Variants in TIMM29 observed in about 807,000 individuals in gnomAD.
TIMM29 encodes translocase of inner mitochondrial membrane 29, also known as mitochondrial import inner membrane translocase subunit Tim29.
A neutral mutation model predicts 19.5 loss-of-function variants in TIMM29; 23 were observed. The ratio of observed to expected loss-of-function variants is 1.18; its 90% CI spans 0.85 to 1.67. The LOEUF is 1.67. Among genes scored for constraint, TIMM29 ranks in the 40% most tolerant of loss-of-function variants. The probability of loss-of-function intolerance (pLI) is 0.00; values close to 1 mark genes in which losing one functional copy is unlikely to be tolerated. For synonymous variants in TIMM29, 209 were observed against 185.0 expected (o/e 1.13, Z -1.05); for missense variants, 404 against 384.7 (o/e 1.05, Z -0.42).
At position 10,929,330 on chromosome 19, in the gene TIMM29, C is replaced by A; in HGVS notation, c.411C>A (p.Pro137=). Residue 137 remains proline (P), a synonymous_variant, in exon 2 of 2, where the codon CCC becomes CCA. Transcript: ENST00000270502. ...LGLCSLVYEA[P]FDAQASLYQA... The stretch of plus-strand genomic sequence containing the variant: ...TCTGCTCGCTGGTGTACGAGGCGCC[C>A]TTCGACGCCCAGGCCAGCCTCTACC... 6.4e-7 allele frequency: 1 copy of A among 1,563,528 alleles called. No individual in the cohort carries two copies. Among genetic ancestry groups the A allele is most frequent in the East Asian group, 2.4e-5 (1 of 42,106 alleles).
At position 10,929,450 on chromosome 19, in the gene TIMM29, C is replaced by G. The variant is rs779634694; in HGVS notation, c.531C>G (p.Ala177=). Residue 177 remains alanine, a synonymous_variant, in exon 2 of 2, where the codon GCC becomes GCG. Coordinates refer to ENST00000270502, the MANE Select transcript of TIMM29 (RefSeq NM_138358.4). The stretch of plus-strand genomic sequence containing the variant: ...TGGGTCGCTGGTGGGTGCTGGGGGC[C>G]TGGATGCGCGACTGCGACATCAACG... ...GFVGRWWVLG[A]WMRDCDINDD... is the part of the protein sequence containing the mutation. 8 of 1,612,658 alleles carry G rather than the reference C, an allele frequency of 5.0e-6. No individual in the cohort carries two copies. The South Asian group carries it at 7.7e-5, about 15-fold the overall frequency.
Position 10,929,169 on chromosome 19 carries a change from G to A in TIMM29, c.250G>A (p.Glu84Lys), listed in dbSNP as rs1157415127. The change falls in exon 2 of 2, where the codon GAG (glutamate) becomes AAG (lysine). Residue 84 changes from glutamate to lysine, a missense_variant. Transcript: ENST00000270502. ...FTLAPSEGAF[E>K]EALLEASGTL... is the part of the protein sequence containing the mutation. ...GCTGGCGCCCAGCGAGGGTGCCTTC[G>A]AGGAGGCGCTGCTGGAGGCGTCGGG... The A allele has an allele frequency of 6.9e-7, 1 of 1,455,660 alleles. No homozygotes were observed. Among genetic ancestry groups the A allele is most frequent in the South Asian group, 1.4e-5 (1 of 70,928 alleles). The allele number at this position is 1,455,660 out of a possible 1,614,324, so 90.2% of individuals were successfully genotyped here.
rs1227757319 is a variant in TIMM29, at chr19:10,929,390, C to A, written c.471C>A (p.Thr157=). Residue 157 remains threonine, a synonymous_variant, in exon 2 of 2, where the codon ACC becomes ACA. Transcript: ENST00000270502. ...GCCGCTACCTGCAGCCCCGCTGGAC[C>A]GACTTCCCCGGCCGGGTCCTGGACG... ...ARCRYLQPRW[T]DFPGRVLDVG... 1 of 1,606,502 alleles carries A rather than the reference C, an allele frequency of 6.2e-7. No individual in the cohort carries two copies. The highest frequency in any genetic ancestry group is 8.5e-7 in the Non-Finnish European group (1 of 1,178,040).
chr19:10,929,007 C>A lies in TIMM29; in HGVS notation c.95-7C>A. The A allele has an allele frequency of 6.9e-7, 1 of 1,457,688 alleles. No individual in the cohort carries two copies. The highest frequency in any genetic ancestry group is 8.9e-7 in the Non-Finnish European group (1 of 1,120,360). The allele number at this position is 1,457,688 out of a possible 1,614,324, so 90.3% of individuals were successfully genotyped here. The stretch of plus-strand genomic sequence containing the variant: ...GGATCACTCTTACCGCGCTCCTCTC[C>A]CCTCAGGGTCCTGGGCCCGCGCGCT... On this transcript the variant is annotated splice_region_variant and splice_polypyrimidine_tract_variant and intron_variant, in intron 1 of 1. Coordinates refer to ENST00000270502, the MANE Select transcript of TIMM29 (RefSeq NM_138358.4).
chr19:10,929,217 G>A lies in TIMM29; in HGVS notation c.298G>A (p.Ala100Thr). 2.0e-6 allele frequency: 3 copies of A among 1,484,764 alleles called. No individual in the cohort carries two copies. Among genetic ancestry groups the A allele is most frequent in the Non-Finnish European group, 1.8e-6 (2 of 1,123,004 alleles). The allele number at this position is 1,484,764 out of a possible 1,614,324, so 92.0% of individuals were successfully genotyped here. A position where few individuals can be genotyped will look rare whatever the true frequency, so the allele number is the denominator to read the frequency against. The change falls in exon 2 of 2, where the codon GCC (alanine) becomes ACC (threonine). Residue 100 changes from alanine (A) to threonine (T), a missense_variant. Ala to Thr is a moderately conservative substitution (Grantham distance 58, BLOSUM62 0). Coordinates refer to ENST00000270502, the MANE Select transcript of TIMM29 (RefSeq NM_138358.4). Reference sequence around the variant, plus strand: ...GGGGACCCTCCTGCTGCTGGCGCCGGCCACCCGCAACCGCGAGTCCGAAGC... The same window carrying A: ...GGGGACCCTCCTGCTGCTGGCGCCGACCACCCGCAACCGCGAGTCCGAAGC... ...ASGTLLLLAP[A>T]TRNRESEAFV...
At position 10,929,360 on chromosome 19, in the gene TIMM29, G is replaced by T; in HGVS notation, c.441G>T (p.Ala147=). 6.3e-7 allele frequency: 1 copy of T among 1,590,442 alleles called. No individual in the cohort carries two copies. Among genetic ancestry groups the T allele is most frequent in the Admixed American group, 1.8e-5 (1 of 56,976 alleles). The change falls in exon 2 of 2, where the codon GCG becomes GCT. Residue 147 remains alanine (A), a synonymous_variant. Coordinates refer to ENST00000270502, the MANE Select transcript of TIMM29 (RefSeq NM_138358.4). ...ACGCCCAGGCCAGCCTCTACCAGGC[G>T]CGTTGCCGCTACCTGCAGCCCCGCT... ...PFDAQASLYQ[A]RCRYLQPRWT...
At position 10,929,760 on chromosome 19, in the gene TIMM29, T is replaced by G. The variant is rs990538419; in HGVS notation, c.*58T>G. On this transcript the variant is annotated 3_prime_UTR_variant, in exon 2 of 2. Coordinates refer to ENST00000270502, the MANE Select transcript of TIMM29 (RefSeq NM_138358.4). ...TTGCCTGGGGTGGTGCAGTTCTGAG[T>G]GTGCCTCACCTGCAGAACAGCTGAG... 2 of 1,475,272 alleles carry G rather than the reference T, an allele frequency of 1.4e-6. No homozygotes were observed. Among genetic ancestry groups the G allele is most frequent in the African/African-American group, 2.8e-5 (2 of 71,424 alleles). The allele number at this position is 1,475,272 out of a possible 1,614,324, so 91.4% of individuals were successfully genotyped here.
rs766723667 is a variant in TIMM29, at chr19:10,929,400, G to A, written c.481G>A (p.Gly161Ser). The change falls in exon 2 of 2, where the codon GGC becomes AGC. Residue 161 changes from glycine to serine, a missense_variant. Physicochemically the swap from Gly to Ser is moderately conservative, Grantham distance 56. Transcript: ENST00000270502. The part of the protein sequence containing the change: ...YLQPRWTDFP[G>S]RVLDVGFVGR... ...GCAGCCCCGCTGGACCGACTTCCCC[G>A]GCCGGGTCCTGGACGTGGGCTTCGT... 1.2e-6 allele frequency: 2 copies of A among 1,608,668 alleles called. No individual in the cohort carries two copies. Among genetic ancestry groups the A allele is most frequent in the Admixed American group, 3.3e-5 (2 of 59,774 alleles).
At position 10,928,853 on chromosome 19, in the gene TIMM29, T is replaced by G. The variant is rs778883903; in HGVS notation, c.31T>G (p.Ser11Ala). ...CGCGGCGGCTCTGAGGAGATTTTGG[T>G]CCCGGCGCCGCGCAGAGGCGGGCGA... is the stretch of plus-strand genomic sequence containing the variant. Reference protein sequence around the residue: MAAAALRRFWSRRRAEAGDAV... With the variant: MAAAALRRFWARRRAEAGDAV... The change falls in exon 1 of 2, where the codon TCC (serine) becomes GCC (alanine). Residue 11 changes from serine (S) to alanine (A), a missense_variant. Coordinates refer to ENST00000270502, the MANE Select transcript of TIMM29 (RefSeq NM_138358.4). 5.9e-6 allele frequency: 9 copies of G among 1,526,574 alleles called. No homozygotes were observed. The highest frequency in any genetic ancestry group is 7.9e-6 in the Non-Finnish European group (9 of 1,141,796). 94.6% of individuals were successfully genotyped at this position (1,526,574 alleles called of 1,614,324 possible).
At position 10,929,696 on chromosome 19, in the gene TIMM29, G is replaced by T. The variant is rs35087899; in HGVS notation, c.777G>T (p.Pro259=). The T allele has an allele frequency of 5.0e-6, 8 of 1,598,110 alleles. No homozygotes were observed. The East Asian group carries it at 1.6e-4, about 32-fold the overall frequency. ...ACTCGCTGGTGCAGGCGGAGGCCCC[G>T]AGATGAAACCCTGAGGCCCCCGAGT... is the stretch of plus-strand genomic sequence containing the variant. ...QAHSLVQAEA[P]R Residue 259 remains proline, a synonymous_variant, in exon 2 of 2, where the codon CCG becomes CCT. Transcript: ENST00000270502.
rs1027081356 is a variant in TIMM29, at chr19:10,929,207, G to T, written c.288G>T (p.Leu96=). The T allele has an allele frequency of 6.8e-7, 1 of 1,479,904 alleles. No homozygotes were observed. The highest frequency in any genetic ancestry group is 1.4e-5 in the African/African-American group (1 of 70,616). The allele number at this position is 1,479,904 out of a possible 1,614,324, so 91.7% of individuals were successfully genotyped here. ...ALLEASGTLL[L]LAPATRNRES... is the part of the protein sequence containing the mutation. The stretch of plus-strand genomic sequence containing the variant: ...TGGAGGCGTCGGGGACCCTCCTGCT[G>T]CTGGCGCCGGCCACCCGCAACCGCG... Residue 96 remains leucine (L), a synonymous_variant, in exon 2 of 2, where the codon CTG becomes CTT. Transcript: ENST00000270502.
At position 10,929,376 on chromosome 19, in the gene TIMM29, C is replaced by T. The variant is rs1446069569; in HGVS notation, c.457C>T (p.Gln153Ter). ...CTACCAGGCGCGTTGCCGCTACCTG[C>T]AGCCCCGCTGGACCGACTTCCCCGG... ...SLYQARCRYL[Q>*]PRWTDFPGRV... Residue 153 changes from glutamine (Q) to a stop codon, truncating the protein, a stop_gained, in exon 2 of 2, where the codon CAG (glutamine) becomes TAG (stop). Coordinates refer to ENST00000270502, the MANE Select transcript of TIMM29 (RefSeq NM_138358.4). LOFTEE classifies it high-confidence loss of function. 6.2e-7 allele frequency: 1 copy of T among 1,600,782 alleles called. No homozygotes were observed. The highest frequency in any genetic ancestry group is 1.1e-5 in the South Asian group (1 of 90,328).
rs751458356 is a variant in TIMM29 at position 10,929,552 on chromosome 19, G to C, written c.633G>C (p.Arg211=). The C allele has an allele frequency of 1.2e-6, 2 of 1,613,074 alleles. No individual in the cohort carries two copies. The highest frequency in any genetic ancestry group is 1.7e-6 in the Non-Finnish European group (2 of 1,180,026). Residue 211 remains arginine, a synonymous_variant, in exon 2 of 2, where the codon CGG becomes CGC. Coordinates refer to ENST00000270502, the MANE Select transcript of TIMM29 (RefSeq NM_138358.4). ...PQQLHSETNE[R]LFDEKYKPVV... Reference sequence around the variant, plus strand: ...AGCTGCATTCCGAGACCAACGAGCGGCTCTTCGATGAGAAGTACAAGCCTG... The same window carrying C: ...AGCTGCATTCCGAGACCAACGAGCGCCTCTTCGATGAGAAGTACAAGCCTG...
rs764585177 is a variant in TIMM29 at position 10,928,900 on chromosome 19, A to G, written c.78A>G (p.Gly26=). 2 of 1,520,894 alleles carry G rather than the reference A, an allele frequency of 1.3e-6. No individual in the cohort carries two copies. Among genetic ancestry groups the G allele is most frequent in the South Asian group, 1.2e-5 (1 of 82,684 alleles). The allele number at this position is 1,520,894 out of a possible 1,614,324, so 94.2% of individuals were successfully genotyped here. Residue 26 remains glycine (G), a synonymous_variant, in exon 1 of 2, where the codon GGA becomes GGG. Transcript: ENST00000270502. ...GCGACGCGGTAGTGGCGAAGCCGGG[A>G]GTGTGGGCGCGGCTGGGTGAGTAGC... The part of the protein sequence containing the change: ...EAGDAVVAKP[G]VWARLGSWAR...
chr19:10,929,092 G>A lies in TIMM29; in HGVS notation c.173G>A (p.Gly58Glu), dbSNP rs1327132697. Residue 58 changes from glycine (G) to glutamate (E), a missense_variant, in exon 2 of 2, where the codon GGG (glycine) becomes GAG (glutamate). Transcript: ENST00000270502. ...TCGGCGGAGGCTAGGGCCCGGCCGG[G>A]GCGCGCCGCTGTGTATGTGGGTCTG... ...DASAEARARP[G>E]RAAVYVGLLG... is the part of the protein sequence containing the mutation. 1.4e-6 allele frequency: 2 copies of A among 1,457,272 alleles called. No individual in the cohort carries two copies. The highest frequency in any genetic ancestry group is 8.9e-7 in the Non-Finnish European group (1 of 1,117,916). 90.3% of individuals were successfully genotyped at this position (1,457,272 alleles called of 1,614,324 possible).
rs1190674261 is a variant in TIMM29, at chr19:10,929,230, G to A, written c.311G>A (p.Arg104His). 1 of 1,498,920 alleles carries A rather than the reference G, an allele frequency of 6.7e-7. No homozygotes were observed. Among genetic ancestry groups the A allele is most frequent in the South Asian group, 1.3e-5 (1 of 78,710 alleles). 92.9% of individuals were successfully genotyped at this position (1,498,920 alleles called of 1,614,324 possible). Residue 104 changes from arginine to histidine, a missense_variant, in exon 2 of 2, where the codon CGC becomes CAC. Coordinates refer to ENST00000270502, the MANE Select transcript of TIMM29 (RefSeq NM_138358.4). ...LLLLAPATRN[R>H]ESEAFVQRLL... ...CTGCTGGCGCCGGCCACCCGCAACCGCGAGTCCGAAGCCTTCGTGCAGAGG... is the reference window on the plus strand; with the variant it reads ...CTGCTGGCGCCGGCCACCCGCAACCACGAGTCCGAAGCCTTCGTGCAGAGG...
chr19:10,929,912 G>A lies in TIMM29; in HGVS notation c.*210G>A. On this transcript the variant is annotated 3_prime_UTR_variant, in exon 2 of 2. Coordinates refer to ENST00000270502, the MANE Select transcript of TIMM29 (RefSeq NM_138358.4). ...CACCTGGGTCCGGGAGTTGGGGACAGCAGAACGACTTGACACATGTTCATC... is the reference window on the plus strand; with the variant it reads ...CACCTGGGTCCGGGAGTTGGGGACAACAGAACGACTTGACACATGTTCATC... The A allele has an allele frequency of 1.7e-6, 1 of 587,678 alleles. No homozygotes were observed. Among genetic ancestry groups the A allele is most frequent in the Non-Finnish European group, 3.0e-6 (1 of 335,184 alleles). The allele number at this position is 587,678 out of a possible 1,614,324, so 36.4% of individuals were successfully genotyped here.
In TIMM29 at chr19:10,929,415, G is replaced by A. The variant is rs1343401600; in HGVS notation, c.496G>A (p.Val166Met). Reference sequence around the variant, plus strand: ...CGACTTCCCCGGCCGGGTCCTGGACGTGGGCTTCGTGGGTCGCTGGTGGGT... The same window carrying A: ...CGACTTCCCCGGCCGGGTCCTGGACATGGGCTTCGTGGGTCGCTGGTGGGT... ...WTDFPGRVLD[V>M]GFVGRWWVLG... Residue 166 changes from valine (V) to methionine (M), a missense_variant, in exon 2 of 2, where the codon GTG becomes ATG. By Grantham distance (21) the Val-to-Met change is conservative. Coordinates refer to ENST00000270502, the MANE Select transcript of TIMM29 (RefSeq NM_138358.4). 2 of 1,610,964 alleles carry A rather than the reference G, an allele frequency of 1.2e-6. No individual in the cohort carries two copies. The highest frequency in any genetic ancestry group is 1.7e-6 in the Non-Finnish European group (2 of 1,179,394).
Position 10,929,444 on chromosome 19 carries a change from G to A in TIMM29, c.525G>A (p.Leu175=), listed in dbSNP as rs1297315018. The change falls in exon 2 of 2, where the codon CTG becomes CTA. Residue 175 remains leucine, a synonymous_variant. Transcript: ENST00000270502. The stretch of plus-strand genomic sequence containing the variant: ...GCTTCGTGGGTCGCTGGTGGGTGCT[G>A]GGGGCCTGGATGCGCGACTGCGACA... ...DVGFVGRWWV[L]GAWMRDCDIN... 1 of 1,612,606 alleles carries A rather than the reference G, an allele frequency of 6.2e-7. No homozygotes were observed. The highest frequency in any genetic ancestry group is 8.5e-7 in the Non-Finnish European group (1 of 1,179,954).
Sources: allele counts gnomAD v4.1 joint callset, GRCh38; gene constraint gnomAD v4.1.1; transcripts MANE v1.5; gene names NCBI Gene and HGNC (gene_info 2026-07-23, HGNC 2026-07-21).